Variants in LRP1B observed in about 807,000 individuals in gnomAD.
LRP1B encodes the protein LDL receptor related protein 1B.
LRP1B carries 217 observed loss-of-function variants against 556.6 expected under a neutral mutation model. The observed-to-expected ratio is 0.39, with a 90% CI of 0.35 to 0.44. The LOEUF (loss-of-function observed/expected upper bound fraction) is 0.44. LRP1B is among the 20% of genes least tolerant of loss of function. The pLI is 1.00. For missense variants in LRP1B, 5,053 were observed against 5,620.8 expected, an observed-to-expected ratio of 0.90 and a Z score of 3.23; for synonymous variants, 2,047 against 1,865.8, an observed-to-expected ratio of 1.10 and a Z score of -2.50.
chr2:141,103,441 T>G (rs1373303082), intron 7 of LRP1B, among the ~76,000 whole-genome samples: 1 of 151,764 alleles, frequency 6.6e-6, no homozygotes, highest in African/African-American at 2.4e-5. Context: ...GCAACAGAAT[T>G]CAATCTTGGC....
chr2:140,722,084 TTTTC>T (rs1325859510), intron 35 of LRP1B, among the ~76,000 whole-genome samples: 2 of 152,120 alleles, frequency 1.3e-5, no homozygotes, highest in Non-Finnish European at 2.9e-5. Context: ...CTTAGATTAG[TTTTC>T]TTTAAAATGT....
chr2:141,639,298 A>ATGTG (rs199723979), intron 2 of LRP1B, among the ~76,000 whole-genome samples: 16 of 34,518 alleles, frequency 4.6e-4, no homozygotes, highest in African/African-American at 1.1e-3. Flanking sequence ...AGTACGCATC[A>ATGTG]TGTGTGTATA....
chr2:140,450,940 G>A (rs1686859258), intron 62 of LRP1B, among the ~76,000 whole-genome samples: 1 of 152,126 alleles, frequency 6.6e-6, no homozygotes, highest in Admixed American at 6.5e-5. Flanking sequence ...TTTTGTGGTT[G>A]GTTAGTTGGC....
chr2:140,628,182 GACAGAGAA>G (rs905444625), intron 41 of LRP1B, among the ~76,000 whole-genome samples: 1 of 152,072 alleles, frequency 6.6e-6, no homozygotes, highest in African/African-American at 2.4e-5. Flanking sequence ...GTGACAGAGA[GACAGAGAA>G]AGAGAACAGA....
chr2:141,259,052 C>A (rs1490636508), intron 3 of LRP1B, among the ~76,000 whole-genome samples: 1 of 152,172 alleles, frequency 6.6e-6, no homozygotes, highest in Non-Finnish European at 1.5e-5. Context: ...CCTTCTCTAT[C>A]AAATTCAAGG....
chr2:140,945,186 A>G (rs1158045780), intron 20 of LRP1B, among the ~76,000 whole-genome samples: 1 of 151,826 alleles, frequency 6.6e-6, no homozygotes, highest in South Asian at 2.1e-4. Flanking sequence ...GAATACATCT[A>G]ACCAAGAAGA....
At chr2:141,581,908 C>T (rs1362123632) in intron 2 of LRP1B, among the ~76,000 whole-genome samples, 1 of 152,144 alleles carries the variant, frequency 6.6e-6, no homozygotes, top group Non-Finnish European at 1.5e-5. Context: ...TATTTCATCA[C>T]TTTATTTGCT....
At chr2:141,906,230 T>A (rs1001530960) in intron 1 of LRP1B, among the ~76,000 whole-genome samples, 1 of 151,798 alleles carries the variant, frequency 6.6e-6, no homozygotes, top group African/African-American at 2.4e-5. Flanking sequence ...TCAAACACTG[T>A]ACCTCATATT....
intron 3 of LRP1B, among the ~76,000 whole-genome samples, chr2:141,304,417 T>A (rs1686507715): frequency 6.6e-6 from 1 of 151,686 alleles, no homozygotes; most frequent in Admixed American, 6.6e-5. Flanking sequence ...GTTTCATGTC[T>A]CTAAGACATA....
At chr2:141,129,963 T>A (rs1701308859) in intron 7 of LRP1B, among the ~76,000 whole-genome samples, 1 of 152,024 alleles carries the variant, frequency 6.6e-6, no homozygotes, top group Non-Finnish European at 1.5e-5. Flanking sequence ...GGACTAGACG[T>A]AATAATTTTA....
chr2:141,674,612 G>A (rs191459140), intron 2 of LRP1B, among the ~76,000 whole-genome samples: 3 of 151,952 alleles, frequency 2.0e-5, no homozygotes, highest in East Asian at 1.9e-4. Context: ...ATTGCTTCAC[G>A]TGCATGGTTT....
chr2:140,926,256 A>G (rs1694883290), intron 20 of LRP1B, among the ~76,000 whole-genome samples: 1 of 152,090 alleles, frequency 6.6e-6, no homozygotes, highest in African/African-American at 2.4e-5. Flanking sequence ...ACACATCATT[A>G]ATGTGTAACT....
chr2:140,911,813 A>G lies in LRP1B; in HGVS notation c.3320-3736T>C, dbSNP rs919809253. On this transcript the variant is annotated intron_variant, in intron 21 of 90. Coordinates refer to ENST00000389484, the MANE Select transcript of LRP1B (RefSeq NM_018557.3). Reference sequence around the variant, plus strand: ...TTTTTCCCAGACACATCACCAATCCATGATGGCATTCCCAACCACTGACTC... The same window carrying G: ...TTTTTCCCAGACACATCACCAATCCGTGATGGCATTCCCAACCACTGACTC... Among the ~76,000 whole-genome samples, 3 of 151,820 alleles carry G rather than the reference A, an allele frequency of 2.0e-5. No individual in the cohort carries two copies. In the East Asian group the frequency reaches 5.8e-4, roughly 29 times the overall value.
At chr2:140,697,749 C>T (rs1686483165) in intron 41 of LRP1B, among the ~76,000 whole-genome samples, 1 of 151,880 alleles carries the variant, frequency 6.6e-6, no homozygotes, top group Non-Finnish European at 1.5e-5. Context: ...TTCATAGAGA[C>T]AGAAAATATC....
chr2:141,597,174 A>C (rs1433306262), intron 2 of LRP1B, among the ~76,000 whole-genome samples: 2 of 151,890 alleles, frequency 1.3e-5, no homozygotes, highest in African/African-American at 4.8e-5. Flanking sequence ...CCTACTGCCC[A>C]TGTCAACCAC....
At chr2:141,727,592 G>A (rs1377652525) in intron 2 of LRP1B, among the ~76,000 whole-genome samples, 1 of 152,098 alleles carries the variant, frequency 6.6e-6, no homozygotes, top group African/African-American at 2.4e-5. Flanking sequence ...CCATTTAATT[G>A]AAATCTGGTC....
intron 2 of LRP1B, among the ~76,000 whole-genome samples, chr2:141,525,621 T>C (rs998883916): frequency 3.9e-5 from 6 of 152,014 alleles, no homozygotes; most frequent in African/African-American, 1.2e-4. Flanking sequence ...AGCAAATATA[T>C]GTAAGAACAA....
At chr2:141,240,602 G>T (rs548802551) in intron 5 of LRP1B, among the ~76,000 whole-genome samples, 1 of 151,778 alleles carries the variant, frequency 6.6e-6, no homozygotes, top group Non-Finnish European at 1.5e-5. Context: ...AGAGTTAATT[G>T]TAGAGGGTGA....
chr2:142,064,017 T>C (rs1436848544), intron 1 of LRP1B, among the ~76,000 whole-genome samples: 1 of 151,548 alleles, frequency 6.6e-6, no homozygotes, highest in African/African-American at 2.4e-5. Context: ...TTGAATAATA[T>C]CCTTCTAGTA....
Sources: allele counts gnomAD v4.1 joint callset (sites outside exome capture counted in the v4.1 genomes callset), GRCh38; gene constraint gnomAD v4.1.1; transcripts MANE v1.5; gene names NCBI Gene and HGNC (gene_info 2026-07-23, HGNC 2026-07-21).